UTRN: variants seen among roughly 807,000 people sequenced by gnomAD.
UTRN encodes utrophin, also known as dystrophin-related protein 1.
UTRN carries 283 observed loss-of-function variants against 463.9 expected under a neutral mutation model. The ratio of observed to expected loss-of-function variants is 0.61; its 90% CI spans 0.55 to 0.67. UTRN has a LOEUF of 0.67. UTRN is among the 30% of genes least tolerant of loss of function. UTRN has a pLI of 0.00. For synonymous variants in UTRN, 1,442 were observed against 1,431.5 expected (o/e 1.01, Z -0.17); for missense variants, 3,922 against 4,084.3 (o/e 0.96, Z 1.08).
chr6:144,763,227 T>C (rs6916080), intron 58 of UTRN, among the ~76,000 whole-genome samples: 114 of 152,332 alleles, frequency 7.5e-4, no homozygotes, highest in African/African-American at 2.5e-3. Context: ...TAAACTTGTC[T>C]ATATCTATAA....
intron 45 of UTRN, among the ~76,000 whole-genome samples, chr6:144,540,700 A>G (rs1797910798): frequency 2.0e-5 from 3 of 152,218 alleles, no homozygotes. Flanking sequence ...AGTCAGAAAT[A>G]TTGGAGTCAA....
chr6:144,745,055 C>T (rs1394250137), intron 54 of UTRN, among the ~76,000 whole-genome samples: 1 of 152,094 alleles, frequency 6.6e-6, no homozygotes, highest in Non-Finnish European at 1.5e-5. Context: ...GGGGAGGGTT[C>T]CTGGATTATC....
Position 144,678,617 on chromosome 6 carries a change from G to C in UTRN, c.7652+39G>C, listed in dbSNP as rs73778382. On this transcript the variant is annotated intron_variant, in intron 52 of 74. Coordinates refer to ENST00000367545, the MANE Select transcript of UTRN (RefSeq NM_007124.3). ...ATATCAAAATAAAAATAATGGGGTG[G>C]AAGGGGTAGATACTTGTGATTTTTG... 4,837 of 1,534,810 alleles carry C rather than the reference G, an allele frequency of 3.2e-3. 155 individuals carry two copies. The African/African-American group carries it at 0.06, about 19-fold the overall frequency.
rs886669003 is a variant in UTRN at position 144,286,938 on chromosome 6, G to T, written c.-93+1117G>T. On this transcript the variant is annotated intron_variant, in intron 1 of 74. Coordinates refer to ENST00000367545, the MANE Select transcript of UTRN (RefSeq NM_007124.3). The surrounding 1 kb of genome is among the most constrained non-coding windows in gnomAD (Gnocchi z 4.4). ...CTTGCGGGCCAGTTCCCCCTGCCGC[G>T]GTTGGGAGGGTCAGTGCAGCGGTCG... is the stretch of plus-strand genomic sequence containing the variant. Among the ~76,000 whole-genome samples the T allele has an allele frequency of 4.6e-5, 7 of 152,332 alleles. No homozygotes were observed. Among genetic ancestry groups the T allele is most frequent in the East Asian group, 1.9e-4 (1 of 5,184 alleles).
chr6:144,363,253 G>C (rs1429124195), intron 2 of UTRN, among the ~76,000 whole-genome samples: 1 of 152,150 alleles, frequency 6.6e-6, no homozygotes, highest in Non-Finnish European at 1.5e-5. Flanking sequence ...TTAGGAAAGA[G>C]TCTGTCCATC....
At chr6:144,400,036 A>G (rs1782798564) in intron 2 of UTRN, among the ~76,000 whole-genome samples, 2 of 152,172 alleles carry the variant, frequency 1.3e-5, no homozygotes, top group South Asian at 4.1e-4. Flanking sequence ...TTCTTCTTCT[A>G]ATTCAGTCTC....
At chr6:144,786,824 T>G (rs963817138) in intron 61 of UTRN, among the ~76,000 whole-genome samples, 3 of 152,170 alleles carry the variant, frequency 2.0e-5, no homozygotes, top group African/African-American at 7.2e-5. Flanking sequence ...ACATAAAGGA[T>G]TGTCTCATAT....
chr6:144,584,360 G>C (rs978452801), intron 51 of UTRN, among the ~76,000 whole-genome samples: 2 of 151,990 alleles, frequency 1.3e-5, no homozygotes, highest in African/African-American at 4.8e-5. Context: ...AGAGTGTTTT[G>C]ATATAAAAGG....
chr6:144,598,004 G>A (rs1803833736), intron 51 of UTRN, among the ~76,000 whole-genome samples: 1 of 152,080 alleles, frequency 6.6e-6, no homozygotes, highest in Middle Eastern at 3.4e-3. Flanking sequence ...TGAAACATAG[G>A]GTTGTTCCTT....
chr6:144,474,209 C>T (rs545838120), intron 24 of UTRN, among the ~76,000 whole-genome samples: 2 of 150,744 alleles, frequency 1.3e-5, no homozygotes, highest in Admixed American at 6.6e-5. Context: ...CTTAAATCCT[C>T]ACCATGTGGC....
intron 9 of UTRN, among the ~76,000 whole-genome samples, chr6:144,430,815 T>G (rs1248433621): frequency 6.6e-6 from 1 of 152,154 alleles, no homozygotes; most frequent in Non-Finnish European, 1.5e-5. Context: ...CATAGCATCT[T>G]TTTTTTCCAT....
chr6:144,719,687 G>A (rs189481355), intron 53 of UTRN, among the ~76,000 whole-genome samples: 11 of 152,334 alleles, frequency 7.2e-5, no homozygotes, highest in Middle Eastern at 3.4e-3. Flanking sequence ...GGACTTTGAA[G>A]CTAGAAATGA....
At chr6:144,744,296 T>C (rs966326620) in intron 54 of UTRN, among the ~76,000 whole-genome samples, 1 of 139,228 alleles carries the variant, frequency 7.2e-6, no homozygotes. Flanking sequence ...AAAAAAAAAA[T>C]GGTGTATACA....
chr6:144,545,228 C>G (rs549798462), intron 46 of UTRN, among the ~76,000 whole-genome samples: 7 of 152,328 alleles, frequency 4.6e-5, no homozygotes, highest in South Asian at 4.1e-4. Context: ...GCTCCTAACT[C>G]ATAATCCTGA....
rs549168162 is a variant in UTRN, at chr6:144,515,766, T to C, written c.5245-463T>C. The stretch of plus-strand genomic sequence containing the variant: ...TAGATGTTATCTGAAAAGATGACAT[T>C]GAGAAATATGCACTTCTTTGACGTT... On this transcript the variant is annotated intron_variant, in intron 37 of 74. Coordinates refer to ENST00000367545, the MANE Select transcript of UTRN (RefSeq NM_007124.3). 1.8e-3 allele frequency among the ~76,000 whole-genome samples: 277 copies of C among 152,344 alleles called. 1 individual carries two copies. Among genetic ancestry groups the C allele is most frequent in the African/African-American group, 6.4e-3 (267 of 41,574 alleles).
At chr6:144,628,115 A>T (rs1203315062) in intron 51 of UTRN, among the ~76,000 whole-genome samples, 1 of 151,950 alleles carries the variant, frequency 6.6e-6, no homozygotes, top group East Asian at 1.9e-4. Flanking sequence ...CTTCTTTTTT[A>T]AGGCTAATTA....
At chr6:144,452,717 T>G (rs953953032) in intron 18 of UTRN, among the ~76,000 whole-genome samples, 3 of 151,908 alleles carry the variant, frequency 2.0e-5, no homozygotes, top group African/African-American at 7.3e-5. Flanking sequence ...GGAGGATTGC[T>G]TGAGCCCAGG....
intron 50 of UTRN, 60 bp from the exon 51 acceptor site, chr6:144,577,039 G>T: frequency 1.3e-6 from 2 of 1,535,592 alleles, no homozygotes; most frequent in South Asian, 2.4e-5. Context: ...GGGGATGCGT[G>T]ATGTGGAATG....
chr6:144,288,498 C>T (rs1277035767), intron 1 of UTRN, among the ~76,000 whole-genome samples: 4 of 151,174 alleles, frequency 2.6e-5, no homozygotes, highest in Admixed American at 2.6e-4. Context: ...TTTCCCTGGG[C>T]AAACTTAATT....
Sources: gnomAD v4.1 joint callset for allele counts (sites outside exome capture counted in the v4.1 genomes callset) on GRCh38, gnomAD v4.1.1 for gene constraint, Gnocchi (gnomAD v3.1) non-coding constraint, MANE v1.5 for transcripts, NCBI Gene and HGNC (gene_info 2026-07-23, HGNC 2026-07-21) for gene names.